The following HS2ST1 variants were observed in gnomAD, a reference collection of about 807,000 sequenced individuals.
HS2ST1 encodes the protein 2-O-sulfotransferase.
HS2ST1 carries 18 observed loss-of-function variants against 42.9 expected under a neutral mutation model. The observed-to-expected ratio is 0.42, with a 90% confidence interval of 0.29 to 0.62. The LOEUF is 0.62. Among genes scored for constraint, HS2ST1 ranks in the 20% least tolerant of loss-of-function variants. The pLI is 0.21. For missense variants in HS2ST1, 334 were observed against 433.8 expected (o/e 0.77, Z 2.04); for synonymous variants, 146 against 152.9 (o/e 0.95, Z 0.33).
intron 1 of HS2ST1, among the ~76,000 whole-genome samples, chr1:86,943,533 G>A (rs77865974): frequency 6.6e-6 from 1 of 151,342 alleles, no homozygotes; most frequent in Admixed American, 6.6e-5. Flanking sequence ...ACCAGCCTGG[G>A]CAACATGGCA....
chr1:87,023,405 G>A (rs78335283), intron 1 of HS2ST1, among the ~76,000 whole-genome samples: 1,651 of 151,196 alleles, frequency 0.011, 30 homozygotes, highest in African/African-American at 0.039. Flanking sequence ...GAGAATTACC[G>A]TGCTGCTGTT....
intron 1 of HS2ST1, among the ~76,000 whole-genome samples, chr1:87,002,690 A>G (rs1649325398): frequency 6.6e-6 from 1 of 151,990 alleles, no homozygotes; most frequent in African/African-American, 2.4e-5. Context: ...TTTTACACAA[A>G]AGTCTATTTT....
In HS2ST1 at chr1:87,105,949, A is replaced by C. The variant is rs1652316352; in HGVS notation, c.*1253A>C. The C allele has an allele frequency of 1.3e-5, 2 of 153,126 alleles. No individual in the cohort carries two copies. The highest frequency in any genetic ancestry group is 1.9e-4 in the East Asian group (1 of 5,216). The allele number at this position is 153,126 out of a possible 1,614,324, so 9.5% of individuals were successfully genotyped here. A position where few individuals can be genotyped will look rare whatever the true frequency, so the allele number is the denominator to read the frequency against. ...CACTTACAGCTGTGTGATCTTGGGC[A>C]AGTCACTTAACCTCTCTTTGCCTCA... On this transcript the variant is annotated 3_prime_UTR_variant, in exon 7 of 7. Coordinates refer to ENST00000370550, the MANE Select transcript of HS2ST1 (RefSeq NM_012262.4).
At chr1:87,039,803 AC>A (rs923681780) in intron 1 of HS2ST1, among the ~76,000 whole-genome samples, 19 of 152,162 alleles carry the variant, frequency 1.2e-4, no homozygotes, top group African/African-American at 4.6e-4. Flanking sequence ...AAGATACCAT[AC>A]GTAAAGTTTC....
Position 87,035,057 on chromosome 1 carries a change from G to A in HS2ST1, c.125-37877G>A, listed in dbSNP as rs933125769. Reference sequence around the variant, plus strand: ...ATTTTAAGATGCTGTGCAGCTGGAGGATGGAGGCTCAGTCCATGAGCCAAG... The same window carrying A: ...ATTTTAAGATGCTGTGCAGCTGGAGAATGGAGGCTCAGTCCATGAGCCAAG... On this transcript the variant is annotated intron_variant, in intron 1 of 6. Transcript: ENST00000370550. 2.0e-5 allele frequency among the ~76,000 whole-genome samples: 3 copies of A among 152,278 alleles called. No homozygotes were observed. In the East Asian group the frequency reaches 5.8e-4, roughly 29 times the overall value.
intron 1 of HS2ST1, among the ~76,000 whole-genome samples, chr1:86,984,520 A>AAAT (rs1648698310): frequency 6.6e-6 from 1 of 152,218 alleles, no homozygotes; most frequent in African/African-American, 2.4e-5. Context: ...AGTAGATATT[A>AAAT]TTTAAGATAT....
intron 1 of HS2ST1, among the ~76,000 whole-genome samples, chr1:86,951,959 G>C (rs1223169123): frequency 6.6e-6 from 1 of 152,192 alleles, no homozygotes; most frequent in Non-Finnish European, 1.5e-5. Flanking sequence ...CAGGAATTCA[G>C]TCACATTTTC....
chr1:87,090,268 TG>T (rs1651908036), intron 3 of HS2ST1, among the ~76,000 whole-genome samples: 1 of 151,950 alleles, frequency 6.6e-6, no homozygotes, highest in Non-Finnish European at 1.5e-5. Flanking sequence ...TGAGCATTAG[TG>T]ATAAAGCCAT....
chr1:87,102,502 G>A (rs781196139), intron 5 of HS2ST1, among the ~76,000 whole-genome samples: 2 of 152,122 alleles, frequency 1.3e-5, no homozygotes, highest in Non-Finnish European at 2.9e-5. Flanking sequence ...CCAACACTGG[G>A]AATCACATTT....
chr1:87,076,023 C>T (rs1651534634), intron 2 of HS2ST1, among the ~76,000 whole-genome samples: 1 of 152,060 alleles, frequency 6.6e-6, no homozygotes, highest in South Asian at 2.1e-4. Flanking sequence ...AACATAAACA[C>T]AGGGGCTATG....
chr1:87,059,779 A>C (rs1464260807), intron 1 of HS2ST1, among the ~76,000 whole-genome samples: 1 of 152,204 alleles, frequency 6.6e-6, no homozygotes, highest in Non-Finnish European at 1.5e-5. Flanking sequence ...TGGGAGTTTC[A>C]TTCCCAAAAG....
At chr1:87,064,497 A>AT (rs1326334325) in intron 1 of HS2ST1, 1 of 518,734 alleles carries the variant, frequency 1.9e-6, no homozygotes, top group Non-Finnish European at 3.9e-6. Context: ...GATGATTCAT[A>AT]TAACCATAAC....
chr1:86,914,902 C>G lies in HS2ST1; in HGVS notation c.-135C>G. The G allele has an allele frequency of 9.3e-7, 1 of 1,078,516 alleles. No individual in the cohort carries two copies. The highest frequency in any genetic ancestry group is 1.3e-6 in the Non-Finnish European group (1 of 742,850). The allele number at this position is 1,078,516 out of a possible 1,614,324, so 66.8% of individuals were successfully genotyped here. On this transcript the variant is annotated 5_prime_UTR_variant, in exon 1 of 7. Coordinates refer to ENST00000370550, the MANE Select transcript of HS2ST1 (RefSeq NM_012262.4). ...ACTGGAGAGGCGAGAAGGGGGGTCG[C>G]TGCGGTGGTTCTCTCGCTGTCGCTC... is the stretch of plus-strand genomic sequence containing the variant.
At chr1:86,947,390 C>T (rs2102182142) in intron 1 of HS2ST1, among the ~76,000 whole-genome samples, 1 of 152,178 alleles carries the variant, frequency 6.6e-6, no homozygotes, top group African/African-American at 2.4e-5. Flanking sequence ...AGGAATGTGA[C>T]CTCTGTGCAC....
intron 1 of HS2ST1, chr1:86,934,497 A>T (rs1221739212): frequency 1.3e-5 from 2 of 152,206 alleles, no homozygotes; most frequent in Non-Finnish European, 2.9e-5. Flanking sequence ...TCCTATGGAT[A>T]CTGGCTCCAG....
chr1:87,090,083 T>TA (rs1651904793), intron 3 of HS2ST1, among the ~76,000 whole-genome samples: 2 of 152,050 alleles, frequency 1.3e-5, no homozygotes, highest in South Asian at 4.1e-4. Context: ...AGTTTCCTAT[T>TA]AAAAACCTCT....
chr1:86,940,092 A>G (rs536707756), intron 1 of HS2ST1, among the ~76,000 whole-genome samples: 2 of 152,268 alleles, frequency 1.3e-5, no homozygotes, highest in South Asian at 4.1e-4. Flanking sequence ...GGCTTGGTAC[A>G]GTGGCTCATG....
At chr1:87,098,035 G>T (rs1348369874) in intron 5 of HS2ST1, 100 bp downstream of exon 5, 3 of 1,537,460 alleles carry the variant, frequency 2.0e-6, no homozygotes, top group Non-Finnish European at 2.6e-6. Context: ...ATCGGTGAAA[G>T]ACTAGACTAA....
rs921737926 is a variant in HS2ST1 at position 87,095,649 on chromosome 1, A to G, written c.589-2189A>G. Among the ~76,000 whole-genome samples the G allele has an allele frequency of 3.3e-5, 5 of 152,322 alleles. No homozygotes were observed. In the East Asian group the frequency reaches 5.8e-4, roughly 18 times the overall value. On this transcript the variant is annotated intron_variant, in intron 4 of 6. Coordinates refer to ENST00000370550, the MANE Select transcript of HS2ST1 (RefSeq NM_012262.4). ...GAGCATTGAATAACTATATCAATCA[A>G]ATCAGTGGTTCTCAAACTTTTTGAT...
Sources: gnomAD v4.1 joint callset for allele counts (sites outside exome capture counted in the v4.1 genomes callset) on GRCh38, gnomAD v4.1.1 for gene constraint, MANE v1.5 for transcripts, NCBI Gene and HGNC (gene_info 2026-07-23, HGNC 2026-07-21) for gene names.